GTF2E1: variants seen among roughly 807,000 people sequenced by gnomAD.
GTF2E1 encodes the protein general transcription factor IIE subunit 1, also known as TFIIE alpha subunit.
A neutral mutation model predicts 34.9 loss-of-function variants in GTF2E1; 14 were observed. The ratio of observed to expected loss-of-function variants is 0.40; its 90% CI spans 0.27 to 0.63. GTF2E1 has a LOEUF of 0.63. Ranked by LOEUF, GTF2E1 falls within the 20% of genes least tolerant of loss-of-function variation. The pLI is 0.39. For missense variants in GTF2E1, 469 were observed against 557.7 expected, an observed-to-expected ratio of 0.84 and a Z score of 1.60; for synonymous variants, 188 against 192.9, an observed-to-expected ratio of 0.97 and a Z score of 0.21.
intron 1 of GTF2E1, among the ~76,000 whole-genome samples, chr3:120,747,413 A>G (rs1438403288): frequency 1.3e-5 from 2 of 151,872 alleles, no homozygotes; most frequent in African/African-American, 4.8e-5. Context: ...CCTCCCCACA[A>G]TAGGCCCCAG....
At chr3:120,757,085 A>G (rs1709216161) in intron 2 of GTF2E1, among the ~76,000 whole-genome samples, 1 of 152,070 alleles carries the variant, frequency 6.6e-6, no homozygotes. Flanking sequence ...ATTGTCTTTC[A>G]GATAGTTGAG....
chr3:120,762,032 C>T (rs181047328), intron 2 of GTF2E1, among the ~76,000 whole-genome samples: 1 of 152,246 alleles, frequency 6.6e-6, no homozygotes, highest in East Asian at 1.9e-4. Context: ...CCTCGTGATC[C>T]ACCTGCCTTG....
At chr3:120,745,879 G>T (rs2107603752) in intron 1 of GTF2E1, among the ~76,000 whole-genome samples, 1 of 152,274 alleles carries the variant, frequency 6.6e-6, no homozygotes, top group East Asian at 1.9e-4. Flanking sequence ...GTCGAGCCCA[G>T]GTACTTCCCA....
intron 2 of GTF2E1, among the ~76,000 whole-genome samples, chr3:120,751,620 A>G (rs1356252458): frequency 6.6e-6 from 1 of 152,212 alleles, no homozygotes; most frequent in Non-Finnish European, 1.5e-5. Flanking sequence ...TTCATAACAC[A>G]ATTTAGAAAG....
At position 120,781,715 on chromosome 3, in the gene GTF2E1, C is replaced by CTTT. The variant is rs71133517; in HGVS notation, c.*259_*261dup. On this transcript the variant is annotated 3_prime_UTR_variant, in exon 5 of 5. Transcript: ENST00000283875. ...TTAATATTTTACTGTATTTTCTTTT[C>CTTT]TTTTTTTTTTTTTTTTGGAGATGAA... is the stretch of plus-strand genomic sequence containing the variant. The CTTT allele has an allele frequency of 6.2e-4, 139 of 224,758 alleles. No individual in the cohort carries two copies. Among genetic ancestry groups the CTTT allele is most frequent in the East Asian group, 2.0e-3 (20 of 10,102 alleles). The allele number at this position is 224,758 out of a possible 1,614,324, so 13.9% of individuals were successfully genotyped here.
At position 120,744,520 on chromosome 3, in the gene GTF2E1, G is replaced by T. The variant is rs1227788292; in HGVS notation, c.-31+1726G>T. Among the ~76,000 whole-genome samples, 4 of 152,266 alleles carry T rather than the reference G, an allele frequency of 2.6e-5. No individual in the cohort carries two copies. The East Asian group carries it at 7.7e-4, about 29-fold the overall frequency. ...ATTTCCTCATTTCTTCCTGCTCCTC[G>T]TCAGGGGTCACCTATTTCTCATGGC... On this transcript the variant is annotated intron_variant, in intron 1 of 4. Coordinates refer to ENST00000283875, the MANE Select transcript of GTF2E1 (RefSeq NM_005513.3).
intron 2 of GTF2E1, among the ~76,000 whole-genome samples, chr3:120,761,604 G>A (rs1424450730): frequency 6.6e-6 from 1 of 152,152 alleles, no homozygotes. Flanking sequence ...GTATCCCAGA[G>A]ATTCTGATAT....
At position 120,781,568 on chromosome 3, in the gene GTF2E1, A is replaced by T; in HGVS notation, c.*98A>T. The T allele has an allele frequency of 1.1e-6, 1 of 886,888 alleles. No homozygotes were observed. Among genetic ancestry groups the T allele is most frequent in the Non-Finnish European group, 1.8e-6 (1 of 570,878 alleles). The allele number at this position is 886,888 out of a possible 1,614,324, so 54.9% of individuals were successfully genotyped here. ...TTTAAGTGGCTTTCTGCCCCTCTTG[A>T]TGTAAGCAACTGTCCATCCTTGTGC... On this transcript the variant is annotated 3_prime_UTR_variant, in exon 5 of 5. Coordinates refer to ENST00000283875, the MANE Select transcript of GTF2E1 (RefSeq NM_005513.3).
At position 120,742,758 on chromosome 3, in the gene GTF2E1, G is replaced by C. The variant is rs1709066325; in HGVS notation, c.-67G>C. On this transcript the variant is annotated 5_prime_UTR_variant, in exon 1 of 5. Transcript: ENST00000283875. ...TTTAAGCCGGTAGTTGAAGCGCTGG[G>C]GGCAGCTGTAGTGGGAGTGTTCCAG... 1 of 551,540 alleles carries C rather than the reference G, an allele frequency of 1.8e-6. No homozygotes were observed. Among genetic ancestry groups the C allele is most frequent in the African/African-American group, 1.9e-5 (1 of 52,748 alleles). The allele number at this position is 551,540 out of a possible 1,614,324, so 34.2% of individuals were successfully genotyped here. A position where few individuals can be genotyped will look rare whatever the true frequency, so the allele number is the denominator to read the frequency against.
At chr3:120,770,521 C>A (rs1002322467) in intron 2 of GTF2E1, among the ~76,000 whole-genome samples, 4 of 152,002 alleles carry the variant, frequency 2.6e-5, no homozygotes, top group Non-Finnish European at 5.9e-5. Context: ...TTGAATACAT[C>A]AAAAATGATA....
At position 120,779,983 on chromosome 3, in the gene GTF2E1, C is replaced by T. The variant is rs571982460; in HGVS notation, c.893-1060C>T. Among the ~76,000 whole-genome samples the T allele has an allele frequency of 3.9e-5, 6 of 152,204 alleles. No individual in the cohort carries two copies. In the East Asian group the frequency reaches 1.2e-3, roughly 29 times the overall value. ...ATGGTTTTCTTAAATATTTCATCTGCAGTATATCAGGTAAGATATGTACAC... is the reference window on the plus strand; with the variant it reads ...ATGGTTTTCTTAAATATTTCATCTGTAGTATATCAGGTAAGATATGTACAC... On this transcript the variant is annotated intron_variant, in intron 4 of 4. Transcript: ENST00000283875.
At chr3:120,748,221 G>T (rs1369357952) in intron 1 of GTF2E1, among the ~76,000 whole-genome samples, 2 of 152,096 alleles carry the variant, frequency 1.3e-5, no homozygotes, top group Non-Finnish European at 2.9e-5. Flanking sequence ...TCTGATGGTA[G>T]TTTCTTTTGC....
rs1266356557 is a variant in GTF2E1, at chr3:120,767,634, G to A, written c.449-3094G>A. 2.6e-5 allele frequency among the ~76,000 whole-genome samples: 4 copies of A among 152,012 alleles called. No individual in the cohort carries two copies. In the East Asian group the frequency reaches 7.7e-4, roughly 29 times the overall value. On this transcript the variant is annotated intron_variant, in intron 2 of 4. Transcript: ENST00000283875. ...GTGAAGTTCTTTGTCTCTGACCTGG[G>A]GTCTTGTGTCTTCTGCCAGTATCCA...
chr3:120,772,028 C>G (rs931466978), intron 3 of GTF2E1, among the ~76,000 whole-genome samples: 1 of 152,176 alleles, frequency 6.6e-6, no homozygotes. Flanking sequence ...TCTTTATACT[C>G]TGCTGAACTC....
intron 3 of GTF2E1, among the ~76,000 whole-genome samples, chr3:120,774,079 CAG>C (rs1287619192): frequency 1.3e-5 from 2 of 152,126 alleles, no homozygotes; most frequent in African/African-American, 4.8e-5. Context: ...GCAGTAACCT[CAG>C]AGTGAGTGAG....
At chr3:120,748,010 G>A (rs1234491543) in intron 1 of GTF2E1, among the ~76,000 whole-genome samples, 10 of 151,632 alleles carry the variant, frequency 6.6e-5, no homozygotes, top group Non-Finnish European at 1.2e-4. Flanking sequence ...GTGATGGTGA[G>A]CATTTTTTCA....
intron 2 of GTF2E1, among the ~76,000 whole-genome samples, chr3:120,769,245 G>A (rs911459615): frequency 6.7e-6 from 1 of 149,460 alleles, no homozygotes; most frequent in African/African-American, 2.5e-5. Flanking sequence ...TGGTATAATA[G>A]TATTCTTGTC....
At chr3:120,764,221 T>A (rs560080692) in intron 2 of GTF2E1, among the ~76,000 whole-genome samples, 7 of 152,276 alleles carry the variant, frequency 4.6e-5, no homozygotes, top group African/African-American at 1.4e-4. Flanking sequence ...ACTTATATAC[T>A]ATGGATGTGA....
chr3:120,757,380 A>C lies in GTF2E1; in HGVS notation c.448+6380A>C, dbSNP rs549586155. 5.7e-4 allele frequency among the ~76,000 whole-genome samples: 87 copies of C among 152,304 alleles called. No homozygotes were observed. In the South Asian group the frequency reaches 0.017, roughly 30 times the overall value. The stretch of plus-strand genomic sequence containing the variant: ...GTTGTATTGTGTAAATCATTGATAC[A>C]TTTGATTCTGAATTTCAAAAACATT... On this transcript the variant is annotated intron_variant, in intron 2 of 4. Transcript: ENST00000283875.
Sources: gnomAD v4.1 joint callset for allele counts (sites outside exome capture counted in the v4.1 genomes callset) on GRCh38, gnomAD v4.1.1 for gene constraint, MANE v1.5 for transcripts, NCBI Gene and HGNC (gene_info 2026-07-23, HGNC 2026-07-21) for gene names.